RBFOX1: variants seen among roughly 807,000 people sequenced by gnomAD.
The protein encoded by RBFOX1 is RNA binding protein fox-1 homolog 1.
Under a neutral mutation model 57.7 loss-of-function variants are expected in RBFOX1, and 8 were observed. The ratio of observed to expected loss-of-function variants is 0.14; its 90% CI spans 0.08 to 0.25. RBFOX1 has a LOEUF of 0.25. RBFOX1 is among the 10% of genes least tolerant of loss of function. The pLI is 1.00. For missense variants in RBFOX1, 611 were observed against 548.5 expected (o/e 1.11, Z -1.14); for synonymous variants, 326 against 222.4 (o/e 1.47, Z -4.15).
chr16:6,950,374 G>T (rs2080467401), intron 3 of RBFOX1, among the ~76,000 whole-genome samples: 2 of 143,642 alleles, frequency 1.4e-5, no homozygotes, highest in African/African-American at 2.6e-5. Context: ...CTGTCCCTCT[G>T]TCCACCCACC....
intron 3 of RBFOX1, among the ~76,000 whole-genome samples, chr16:6,716,743 TTATAC>T (rs747576773): frequency 1.2e-4 from 18 of 152,192 alleles, no homozygotes; most frequent in Non-Finnish European, 2.5e-4. Context: ...TTCTATCCAG[TTATAC>T]TTGTGTTGGG....
intron 4 of RBFOX1, among the ~76,000 whole-genome samples, chr16:7,351,507 C>T (rs1248381378): frequency 2.6e-5 from 4 of 152,096 alleles, no homozygotes; most frequent in African/African-American, 9.7e-5. Flanking sequence ...TATATATAAA[C>T]TGATTAATTT....
At chr16:6,658,396 G>T (rs1327387895) in intron 3 of RBFOX1, among the ~76,000 whole-genome samples, 1 of 151,698 alleles carries the variant, frequency 6.6e-6, no homozygotes, top group Non-Finnish European at 1.5e-5. Flanking sequence ...CTTAGTAGAG[G>T]TGGGGTTTTA....
At chr16:5,828,657 C>G (rs772150064) in intron 3 of RBFOX1, among the ~76,000 whole-genome samples, 8 of 151,978 alleles carry the variant, frequency 5.3e-5, no homozygotes, top group Non-Finnish European at 1.2e-4. Context: ...CGAGATCATG[C>G]TACTGCAGTC....
intron 4 of RBFOX1, among the ~76,000 whole-genome samples, chr16:7,477,452 C>G (rs1164081999): frequency 2.6e-5 from 4 of 152,082 alleles, no homozygotes; most frequent in Admixed American, 6.6e-5. Flanking sequence ...AGCATTAATT[C>G]CGATATTTCA....
intron 4 of RBFOX1, among the ~76,000 whole-genome samples, chr16:7,507,711 C>G (rs1353667635): frequency 6.6e-6 from 1 of 151,668 alleles, no homozygotes; most frequent in African/African-American, 2.4e-5. Context: ...CTACAGGCGC[C>G]CACCACCACG....
In RBFOX1 at chr16:6,654,624, A is replaced by T. The variant is rs2098632911; in HGVS notation, c.-42A>T. On this transcript the variant is annotated 5_prime_UTR_variant, in exon 3 of 16. Transcript: ENST00000550418. ...TCAGGATATCAAAGCAGACTGCAAT[A>T]CCTGCGTGGAAATAGAAGACAGAAA... is the stretch of plus-strand genomic sequence containing the variant. 6.6e-7 allele frequency: 1 copy of T among 1,511,110 alleles called. No homozygotes were observed. Among genetic ancestry groups the T allele is most frequent in the Non-Finnish European group, 8.8e-7 (1 of 1,138,714 alleles). 93.6% of individuals were successfully genotyped at this position (1,511,110 alleles called of 1,614,324 possible). A position where few individuals can be genotyped will look rare whatever the true frequency, so the allele number is the denominator to read the frequency against.
intron 3 of RBFOX1, among the ~76,000 whole-genome samples, chr16:6,884,726 C>T (rs2063632530): frequency 6.6e-6 from 1 of 152,022 alleles, no homozygotes; most frequent in Non-Finnish European, 1.5e-5. Flanking sequence ...GACGAAACCC[C>T]ATCTGTACTA....
chr16:7,482,969 A>C (rs1453794937), intron 4 of RBFOX1, among the ~76,000 whole-genome samples: 1 of 152,010 alleles, frequency 6.6e-6, no homozygotes, highest in South Asian at 2.1e-4. Context: ...TGGCTAGGAG[A>C]TCTGAAAATG....
At chr16:6,560,378 G>C (rs1156524701) in intron 2 of RBFOX1, among the ~76,000 whole-genome samples, 2 of 30,256 alleles carry the variant, frequency 6.6e-5, no homozygotes, top group Non-Finnish European at 2.7e-3. Flanking sequence ...ACATGAGGAG[G>C]AGAGGGCCAG....
intron 3 of RBFOX1, among the ~76,000 whole-genome samples, chr16:6,971,984 C>T (rs982207525): frequency 6.6e-6 from 1 of 152,096 alleles, no homozygotes; most frequent in Non-Finnish European, 1.5e-5. Context: ...CACAGGCAAT[C>T]CCTGCACGCA....
chr16:6,640,187 T>C (rs1281677605), intron 2 of RBFOX1, among the ~76,000 whole-genome samples: 1 of 152,214 alleles, frequency 6.6e-6, no homozygotes, highest in African/African-American at 2.4e-5. Context: ...TTATTGAATT[T>C]TCTCTCAAAT....
chr16:5,723,472 C>T, intron 3 of RBFOX1, among the ~76,000 whole-genome samples: 1 of 87,436 alleles, frequency 1.1e-5, no homozygotes, highest in Non-Finnish European at 2.5e-5. Context: ...AGTCAGCCCA[C>T]AGGCAACTGT....
At chr16:5,881,140 A>G (rs891980214) in intron 4 of RBFOX1, among the ~76,000 whole-genome samples, 4 of 152,172 alleles carry the variant, frequency 2.6e-5, no homozygotes, top group African/African-American at 7.2e-5. Flanking sequence ...ACTGTGTTCT[A>G]TCTAGGAACC....
intron 3 of RBFOX1, among the ~76,000 whole-genome samples, chr16:6,657,509 C>T (rs1295790392): frequency 6.6e-6 from 1 of 152,052 alleles, no homozygotes; most frequent in African/African-American, 2.4e-5. Flanking sequence ...CTGTGGCAGC[C>T]AGAGTGATTG....
In RBFOX1 at chr16:7,433,995, G is replaced by A. The variant is rs376470481; in HGVS notation, c.28-84152G>A. ...TTGAGTATTTGTGAGAACGATGAGAGGGAACAGTTAATACTATTGGAAACT... is the reference window on the plus strand; with the variant it reads ...TTGAGTATTTGTGAGAACGATGAGAAGGAACAGTTAATACTATTGGAAACT... On this transcript the variant is annotated intron_variant, in intron 4 of 15. Coordinates refer to ENST00000550418, the MANE Select transcript of RBFOX1 (RefSeq NM_018723.4). Among the ~76,000 whole-genome samples, 12 of 152,226 alleles carry A rather than the reference G, an allele frequency of 7.9e-5. No individual in the cohort carries two copies. The East Asian group carries it at 2.1e-3, about 27-fold the overall frequency.
At chr16:5,879,914 C>T (rs2057721496) in intron 4 of RBFOX1, among the ~76,000 whole-genome samples, 1 of 152,172 alleles carries the variant, frequency 6.6e-6, no homozygotes, top group Non-Finnish European at 1.5e-5. Flanking sequence ...GCAGAGATGG[C>T]ACACATTCCT....
intron 3 of RBFOX1, among the ~76,000 whole-genome samples, chr16:5,703,774 T>C (rs1245459173): frequency 1.3e-5 from 2 of 152,218 alleles, no homozygotes; most frequent in Non-Finnish European, 2.9e-5. Context: ...TGCATGTGTA[T>C]TTATGTGTGT....
At chr16:7,507,999 C>G (rs920137571) in intron 4 of RBFOX1, among the ~76,000 whole-genome samples, 1 of 149,074 alleles carries the variant, frequency 6.7e-6, no homozygotes, top group East Asian at 2.0e-4. Context: ...TTTTTCTTTT[C>G]TTTTTGAGAT....
Sources: allele counts gnomAD v4.1 joint callset (sites outside exome capture counted in the v4.1 genomes callset), GRCh38; gene constraint gnomAD v4.1.1; transcripts MANE v1.5; gene names NCBI Gene and HGNC (gene_info 2026-07-23, HGNC 2026-07-21).